PCDHA5: variants seen among roughly 807,000 people sequenced by gnomAD.
The protein encoded by PCDHA5 is protocadherin alpha 5.
PCDHA5 carries 43 observed loss-of-function variants against 61.6 expected under a neutral mutation model. That is an observed-to-expected ratio of 0.70 (90% confidence interval 0.55 to 0.90). The LOEUF is 0.90. Among genes scored for constraint, PCDHA5 ranks in the 40% least tolerant of loss-of-function variants. The pLI is 0.00. For synonymous variants in PCDHA5, 627 were observed against 543.9 expected (o/e 1.15, Z -2.13); for missense variants, 1,298 against 1,222.7 (o/e 1.06, Z -0.92).
chr5:140,922,799 A>T (rs1188093750), intron 1 of PCDHA5, among the ~76,000 whole-genome samples: 1 of 152,264 alleles, frequency 6.6e-6, no homozygotes, highest in Non-Finnish European at 1.5e-5. Context: ...GCTTTGGAAT[A>T]CAGAAAAAGG....
At position 140,822,399 on chromosome 5, in the gene PCDHA5, T is replaced by C; in HGVS notation, c.624T>C (p.Arg208=). 2 of 1,614,072 alleles carry C rather than the reference T, an allele frequency of 1.2e-6. No homozygotes were observed. Among genetic ancestry groups the C allele is most frequent in the Non-Finnish European group, 1.7e-6 (2 of 1,180,032 alleles). The change falls in exon 1 of 4, where the codon CGT becomes CGC. Residue 208 remains arginine (R), a synonymous_variant. Coordinates refer to ENST00000529859, the MANE Select transcript of PCDHA5 (RefSeq NM_018908.3). ...ATAGAGAAGAAACACAAGAACACCG[T>C]TTATTAGTGATTGCAACTGATGGAG... is the stretch of plus-strand genomic sequence containing the variant. ...SLDREETQEH[R]LLVIATDGGK...
rs781792274 is a variant in PCDHA5, at chr5:140,927,895, G to A, written c.2353-51054G>A. The A allele has an allele frequency of 4.3e-5, 70 of 1,614,074 alleles. No homozygotes were observed. The highest frequency in any genetic ancestry group is 5.3e-5 in the Non-Finnish European group (62 of 1,180,048). On this transcript the variant is annotated intron_variant, in intron 1 of 3. Coordinates refer to ENST00000529859, the MANE Select transcript of PCDHA5 (RefSeq NM_018908.3). ...GCTGGTGGAGGTGACTGACGTGAACGATCATGCCCCCGAACTGGACTTCCT... is the reference window on the plus strand; with the variant it reads ...GCTGGTGGAGGTGACTGACGTGAACAATCATGCCCCCGAACTGGACTTCCT...
At chr5:140,967,942 A>G in intron 1 of PCDHA5, 1 of 1,614,226 alleles carries the variant, frequency 6.2e-7, no homozygotes, top group Non-Finnish European at 8.5e-7. Context: ...TCAATGACCA[A>G]GACTCAGGCC....
At chr5:140,922,980 A>G (rs2081098580) in intron 1 of PCDHA5, among the ~76,000 whole-genome samples, 1 of 152,244 alleles carries the variant, frequency 6.6e-6, no homozygotes, top group African/African-American at 2.4e-5. Flanking sequence ...TATCTCAGAC[A>G]ATAGGCAAGC....
At chr5:140,826,420 T>C (rs2150143820) in intron 1 of PCDHA5, among the ~76,000 whole-genome samples, 1 of 152,194 alleles carries the variant, frequency 6.6e-6, no homozygotes, top group Non-Finnish European at 1.5e-5. Context: ...TATTTTAAGA[T>C]AGAATTTCAC....
intron 1 of PCDHA5, among the ~76,000 whole-genome samples, chr5:140,952,265 G>A (rs1292970434): frequency 6.6e-6 from 1 of 151,556 alleles, no homozygotes; most frequent in African/African-American, 2.4e-5. Context: ...CCCATTCTGG[G>A]GTCTTGAGGG....
chr5:140,850,626 T>C (rs1554144591), intron 1 of PCDHA5: 1 of 1,598,444 alleles, frequency 6.3e-7, no homozygotes, highest in African/African-American at 1.3e-5. Flanking sequence ...GTCTAGCCTG[T>C]TGGTTCTCAC....
At chr5:140,933,692 C>T (rs2089349269) in intron 1 of PCDHA5, among the ~76,000 whole-genome samples, 1 of 151,798 alleles carries the variant, frequency 6.6e-6, no homozygotes, top group African/African-American at 2.4e-5. Context: ...TTTCCTATTC[C>T]TCGGACACAT....
chr5:140,830,177 G>A, intron 1 of PCDHA5: 2 of 1,613,644 alleles, frequency 1.2e-6, no homozygotes, highest in Non-Finnish European at 8.5e-7. Context: ...GCTGGTGGAT[G>A]TCAACGTGTA....
chr5:140,829,386 C>A, intron 1 of PCDHA5: 1 of 1,614,034 alleles, frequency 6.2e-7, no homozygotes, highest in Non-Finnish European at 8.5e-7. Flanking sequence ...GACGGGGGCT[C>A]GCCTTCGCTG....
At chr5:140,983,740 C>A (rs1250895126) in intron 3 of PCDHA5, among the ~76,000 whole-genome samples, 1 of 152,190 alleles carries the variant, frequency 6.6e-6, no homozygotes, top group African/African-American at 2.4e-5. Context: ...GGCTGGCTTG[C>A]AATAATCCAT....
chr5:140,894,574 T>C (rs997238240), intron 1 of PCDHA5, among the ~76,000 whole-genome samples: 2 of 152,002 alleles, frequency 1.3e-5, no homozygotes, highest in African/African-American at 2.4e-5. Context: ...TTTTCCTTTT[T>C]TTTAATATTT....
chr5:140,883,222 A>T lies in PCDHA5; in HGVS notation c.2352+59095A>T, dbSNP rs1164969110. ...TCGAAGAAAAGAAATTATATGAAATATCCGTGGAGGCAGTTGACAAAGGAA... is the reference window on the plus strand; with the variant it reads ...TCGAAGAAAAGAAATTATATGAAATTTCCGTGGAGGCAGTTGACAAAGGAA... On this transcript the variant is annotated intron_variant, in intron 1 of 3. Transcript: ENST00000529859. 8.7e-6 allele frequency: 14 copies of T among 1,613,970 alleles called. No homozygotes were observed. The African/African-American group carries it at 1.7e-4, about 20-fold the overall frequency.
rs148067258 is a variant in PCDHA5 at position 140,850,948 on chromosome 5, G to A, written c.2352+26821G>A. The A allele has an allele frequency of 9.7e-3, 14,493 of 1,499,630 alleles. 1,246 individuals are homozygous for A. Among genetic ancestry groups the A allele is most frequent in the Non-Finnish European group, 0.01 (11,557 of 1,116,880 alleles). The allele number at this position is 1,499,630 out of a possible 1,614,324, so 92.9% of individuals were successfully genotyped here. On this transcript the variant is annotated intron_variant, in intron 1 of 3. Coordinates refer to ENST00000529859, the MANE Select transcript of PCDHA5 (RefSeq NM_018908.3). The stretch of plus-strand genomic sequence containing the variant: ...ATTTTTTTTCTTGAAAGATATTATC[G>A]ATTACTCCCAGGGGCCGTTCAAATA...
intron 3 of PCDHA5, among the ~76,000 whole-genome samples, chr5:140,992,330 C>A (rs1240004004): frequency 6.6e-6 from 1 of 152,070 alleles, no homozygotes. Context: ...TTTCTAAGAG[C>A]AAAGATGGAA....
At chr5:140,869,723 A>C (rs782155135) in intron 1 of PCDHA5, 8 of 1,613,430 alleles carry the variant, frequency 5.0e-6, no homozygotes, top group Non-Finnish European at 6.8e-6. Context: ...AAAACTCCGG[A>C]ACTTAATTTG....
intron 1 of PCDHA5, among the ~76,000 whole-genome samples, chr5:140,969,822 G>C (rs559271640): frequency 2.0e-5 from 3 of 152,202 alleles, no homozygotes; most frequent in Non-Finnish European, 4.4e-5. Context: ...ACTCTGGACT[G>C]TCTACAGTGG....
rs1165097192 is a variant in PCDHA5, at chr5:140,945,230, A to G, written c.2353-33719A>G. Among the ~76,000 whole-genome samples the G allele has an allele frequency of 2.6e-5, 4 of 152,290 alleles. No individual in the cohort carries two copies. In the East Asian group the frequency reaches 7.7e-4, roughly 29 times the overall value. On this transcript the variant is annotated intron_variant, in intron 1 of 3. Transcript: ENST00000529859. ...TATGAGAAAATAAAAATACTTAGGA[A>G]TAAATTTAACCAAGAGGATGAAAGA...
chr5:140,875,687 G>T, intron 1 of PCDHA5: 10 of 1,614,012 alleles, frequency 6.2e-6, no homozygotes, highest in Non-Finnish European at 8.5e-6. Context: ...AAAAGACACG[G>T]GGACCTTCTG....
Sources: gnomAD v4.1 joint callset for allele counts (sites outside exome capture counted in the v4.1 genomes callset) on GRCh38, gnomAD v4.1.1 for gene constraint, MANE v1.5 for transcripts, NCBI Gene and HGNC (gene_info 2026-07-23, HGNC 2026-07-21) for gene names.